BAZ2B: variants seen among roughly 807,000 people sequenced by gnomAD.
BAZ2B encodes the protein bromodomain adjacent to zinc finger domain 2B, also known as bromodomain adjacent to zinc finger domain protein 2B.
In BAZ2B, 91 loss-of-function variants were observed where a neutral mutation model predicts 246.0. The observed-to-expected ratio is 0.37, with a 90% confidence interval of 0.31 to 0.44. The LOEUF (loss-of-function observed/expected upper bound fraction) is 0.44. Among genes scored for constraint, BAZ2B ranks in the 20% least tolerant of loss-of-function variants. The probability of loss-of-function intolerance (pLI) is 1.00; values close to 1 mark genes in which losing one functional copy is unlikely to be tolerated. For missense variants in BAZ2B, 2,332 were observed against 2,533.7 expected, an observed-to-expected ratio of 0.92 and a Z score of 1.71; for synonymous variants, 855 against 860.0, an observed-to-expected ratio of 0.99 and a Z score of 0.10.
rs1489236585 is a variant in BAZ2B at position 159,382,719 on chromosome 2, C to T, written c.3845G>A (p.Gly1282Asp). The T allele has an allele frequency of 1.2e-6, 2 of 1,613,574 alleles. No homozygotes were observed. The highest frequency in any genetic ancestry group is 2.2e-5 in the South Asian group (2 of 91,052). The change falls in exon 25 of 37, where the codon GGC (glycine) becomes GAC (aspartate). Residue 1282 changes from glycine to aspartate, a missense_variant. Gly to Asp is a moderately conservative substitution (Grantham distance 94). Around this residue, in one of 9 missense-constraint regions of BAZ2B, gnomAD observed 328 missense variants for 410.4 expected, o/e 0.80. Coordinates refer to ENST00000392783, the MANE Select transcript of BAZ2B (RefSeq NM_013450.4). ...TCGCTTGCGTCCTGGAGTGGGTGTG[C>T]CCAAGGGATGCTGCTCTTCTCCCAG... is the stretch of plus-strand genomic sequence containing the variant. ...IDLGEEQHPL[G>D]TPTPGRKRRR...
At chr2:159,332,790 T>C in intron 33 of BAZ2B, 104 bp from the exon 34 acceptor site, 2 of 1,288,636 alleles carry the variant, frequency 1.6e-6, no homozygotes, top group East Asian at 2.5e-5. Context: ...GTAATGAACA[T>C]TCCGCTTGCT....
chr2:159,501,512 T>A (rs1462401115), intron 2 of BAZ2B, among the ~76,000 whole-genome samples: 1 of 151,624 alleles, frequency 6.6e-6, no homozygotes, highest in Non-Finnish European at 1.5e-5. Context: ...TTTTTTAGTA[T>A]TTCTACAAAG....
chr2:159,485,837 T>A (rs2079764262), intron 2 of BAZ2B, among the ~76,000 whole-genome samples: 1 of 152,108 alleles, frequency 6.6e-6, no homozygotes, highest in African/African-American at 2.4e-5. Context: ...TCATGTTAAA[T>A]TATAGATTTC....
chr2:159,417,716 G>C (rs1029591544), intron 13 of BAZ2B, among the ~76,000 whole-genome samples: 1 of 152,096 alleles, frequency 6.6e-6, no homozygotes, highest in Non-Finnish European at 1.5e-5. Flanking sequence ...TATTTGTTGA[G>C]GCACCTTTAC....
chr2:159,349,573 T>C, intron 28 of BAZ2B, 135 bp downstream of exon 28: 1 of 1,082,096 alleles, frequency 9.2e-7, no homozygotes. Context: ...TGACAGAAAT[T>C]CTGACTTGTT....
chr2:159,674,031 AT>A, the BAZ2B span, among the ~76,000 whole-genome samples: 130,120 of 151,434 alleles, frequency 0.86, 56,093 homozygotes, highest in Middle Eastern at 0.95. Flanking sequence ...GACATAATTA[AT>A]TTTTTTTTTT....
At chr2:159,539,062 G>A (rs762825342) in intron 2 of BAZ2B, among the ~76,000 whole-genome samples, 28 of 152,112 alleles carry the variant, frequency 1.8e-4, no homozygotes, top group Non-Finnish European at 3.5e-4. Context: ...CGCAGGGGGC[G>A]GAAATCTCCA....
chr2:159,405,819 A>G (rs796809933), intron 14 of BAZ2B, among the ~76,000 whole-genome samples: 26 of 152,316 alleles, frequency 1.7e-4, no homozygotes, highest in African/African-American at 5.5e-4. Flanking sequence ...ATATAAAAAA[A>G]AAAGAAAGAC....
chr2:159,660,835 T>C, the BAZ2B span, among the ~76,000 whole-genome samples: 5 of 152,146 alleles, frequency 3.3e-5, no homozygotes, highest in Non-Finnish European at 7.4e-5. Flanking sequence ...TGACCTCAAG[T>C]AATCCACCCA....
At chr2:159,489,788 C>CT (rs1421685586) in intron 2 of BAZ2B, among the ~76,000 whole-genome samples, 12 of 152,208 alleles carry the variant, frequency 7.9e-5, no homozygotes, top group African/African-American at 2.6e-4. Flanking sequence ...AGGCACCTAT[C>CT]TGTAGTCCTA....
rs143590873 is a variant in BAZ2B at position 159,470,454 on chromosome 2, G to A, written c.145+8121C>T. Among the ~76,000 whole-genome samples the A allele has an allele frequency of 4.0e-3, 607 of 152,268 alleles. 5 individuals are homozygous for A. The highest frequency in any genetic ancestry group is 0.014 in the African/African-American group (572 of 41,546). ...TACATTTAAAATGGTGAATTATATTGTACATAAATCACACCAAAATAAAGA... is the reference window on the plus strand; with the variant it reads ...TACATTTAAAATGGTGAATTATATTATACATAAATCACACCAAAATAAAGA... On this transcript the variant is annotated intron_variant, in intron 3 of 36. Coordinates refer to ENST00000392783, the MANE Select transcript of BAZ2B (RefSeq NM_013450.4).
intron 2 of BAZ2B, among the ~76,000 whole-genome samples, chr2:159,540,115 A>C (rs1005629350): frequency 2.6e-5 from 4 of 152,242 alleles, no homozygotes; most frequent in African/African-American, 9.6e-5. Flanking sequence ...ATGACAGAAG[A>C]AACTTCATCT....
chr2:159,375,678 T>C (rs1359863733), intron 25 of BAZ2B, among the ~76,000 whole-genome samples: 2 of 152,120 alleles, frequency 1.3e-5, no homozygotes, highest in Admixed American at 6.6e-5. Context: ...TGGTTCTTAC[T>C]AGCATAAAAG....
At chr2:159,533,617 A>C (rs940588450) in intron 2 of BAZ2B, among the ~76,000 whole-genome samples, 3 of 152,218 alleles carry the variant, frequency 2.0e-5, no homozygotes, top group African/African-American at 7.2e-5. Flanking sequence ...AAAAGTACAA[A>C]GTACTTTATA....
the BAZ2B span, among the ~76,000 whole-genome samples, chr2:159,626,983 G>C: frequency 6.6e-6 from 1 of 152,198 alleles, no homozygotes; most frequent in Non-Finnish European, 1.5e-5. Flanking sequence ...TGATGAAGTG[G>C]ATGTCACCAC....
chr2:159,677,175 T>C, the BAZ2B span, among the ~76,000 whole-genome samples: 1 of 151,302 alleles, frequency 6.6e-6, no homozygotes, highest in Admixed American at 6.6e-5. Context: ...TATATAGTTA[T>C]ATGATAAAAA....
At chr2:159,428,219 G>A in intron 12 of BAZ2B, 92 bp downstream of exon 12, 1 of 1,197,160 alleles carries the variant, frequency 8.4e-7, no homozygotes, top group Non-Finnish European at 1.2e-6. Context: ...TAGTATCAAG[G>A]AACTTTATCT....
intron 3 of BAZ2B, chr2:159,459,459 G>C (rs759105639): frequency 6.6e-6 from 1 of 152,166 alleles, no homozygotes; most frequent in South Asian, 2.1e-4. Context: ...AGCTCACTAG[G>C]TATTTAGAAT....
chr2:159,433,044 C>A lies in BAZ2B; in HGVS notation c.1613G>T (p.Ser538Ile). The change falls in exon 9 of 37, where the codon AGT (serine) becomes ATT (isoleucine). Residue 538 changes from serine to isoleucine, a missense_variant. Physicochemically the swap from Ser to Ile is moderately radical, Grantham distance 142. This residue lies in a region of BAZ2B where 651 missense variants were observed against 650.9 expected (regional missense o/e 1.00). Coordinates refer to ENST00000392783, the MANE Select transcript of BAZ2B (RefSeq NM_013450.4). The part of the protein sequence containing the change: ...STPFSSPVNL[S>I]TSGRRTPGNQ... ...GCCAGGGGTTCTTCTCCCACTTGTA[C>A]TCAGATTTACAGGTGAGGAAAAAGG... The A allele has an allele frequency of 1.2e-6, 2 of 1,614,192 alleles. No homozygotes were observed. The highest frequency in any genetic ancestry group is 1.7e-6 in the Non-Finnish European group (2 of 1,180,034).
Sources: allele counts gnomAD v4.1 joint callset (sites outside exome capture counted in the v4.1 genomes callset), GRCh38; gene constraint gnomAD v4.1.1; regional missense constraint gnomAD v4.1.1; transcripts MANE v1.5; gene names NCBI Gene and HGNC (gene_info 2026-07-23, HGNC 2026-07-21).